The following GALNTL6 variants were observed in gnomAD, a reference collection of about 807,000 sequenced individuals.
GALNTL6 encodes the protein polypeptide N-acetylgalactosaminyltransferase-like 6.
GALNTL6 carries 46 observed loss-of-function variants against 73.7 expected under a neutral mutation model. That is an observed-to-expected ratio of 0.62 (90% CI 0.49 to 0.80). GALNTL6 has a LOEUF of 0.80. Among genes scored for constraint, GALNTL6 ranks in the 30% least tolerant of loss-of-function variants. The pLI, the probability that GALNTL6 is intolerant of heterozygous loss-of-function variation, is 0.00. For synonymous variants in GALNTL6, 259 were observed against 263.7 expected, an observed-to-expected ratio of 0.98 and a Z score of 0.17; for missense variants, 604 against 755.0, an observed-to-expected ratio of 0.80 and a Z score of 2.34.
At chr4:172,482,371 C>T (rs939927197) in intron 5 of GALNTL6, among the ~76,000 whole-genome samples, 5 of 152,228 alleles carry the variant, frequency 3.3e-5, no homozygotes, top group South Asian at 4.1e-4. Flanking sequence ...GAGCGGATGC[C>T]GAGCCCAAGG....
At chr4:172,057,329 A>G (rs1466388669) in intron 2 of GALNTL6, among the ~76,000 whole-genome samples, 1 of 151,894 alleles carries the variant, frequency 6.6e-6, no homozygotes, top group Non-Finnish European at 1.5e-5. Flanking sequence ...TGGAAGGATC[A>G]CTTGAGCCCA....
chr4:172,454,121 A>G (rs930279501), intron 5 of GALNTL6, among the ~76,000 whole-genome samples: 1 of 152,190 alleles, frequency 6.6e-6, no homozygotes, highest in Non-Finnish European at 1.5e-5. Flanking sequence ...TCAAAGCCCA[A>G]TGGAATGAAT....
intron 2 of GALNTL6, among the ~76,000 whole-genome samples, chr4:172,177,792 TATATATACACACAC>T (rs1735076762): frequency 6.7e-5 from 9 of 134,288 alleles, no homozygotes; most frequent in African/African-American, 2.3e-4. Context: ...CACATGTGTA[TATATATACACACAC>T]ATATATGTGT....
At chr4:172,184,395 G>A (rs896020328) in intron 2 of GALNTL6, among the ~76,000 whole-genome samples, 1 of 152,152 alleles carries the variant, frequency 6.6e-6, no homozygotes, top group Non-Finnish European at 1.5e-5. Flanking sequence ...TGTGAGTGTT[G>A]TGAGTAATGA....
At chr4:172,049,983 T>TA (rs1191021788) in intron 2 of GALNTL6, among the ~76,000 whole-genome samples, 1 of 123,448 alleles carries the variant, frequency 8.1e-6, no homozygotes, top group Non-Finnish European at 1.7e-5. Flanking sequence ...AAACTCTGTC[T>TA]AAAAAGAAAA....
At chr4:171,942,024 G>C (rs1738561158) in intron 2 of GALNTL6, among the ~76,000 whole-genome samples, 1 of 152,020 alleles carries the variant, frequency 6.6e-6, no homozygotes, top group South Asian at 2.1e-4. Flanking sequence ...GGAAATAGTT[G>C]AGCCCTTTAG....
At chr4:172,239,406 G>T (rs534018800) in intron 3 of GALNTL6, among the ~76,000 whole-genome samples, 1 of 152,236 alleles carries the variant, frequency 6.6e-6, no homozygotes, top group East Asian at 1.9e-4. Context: ...AGTCTCTGAA[G>T]ATTTTTTGTA....
intron 5 of GALNTL6, among the ~76,000 whole-genome samples, chr4:172,803,518 A>G (rs11947615): frequency 0.077 from 11,707 of 152,170 alleles, 880 homozygotes; most frequent in African/African-American, 0.18. Flanking sequence ...GGGACCACTT[A>G]TCTAAAGAAA....
chr4:172,648,443 G>A (rs971655466), intron 5 of GALNTL6, among the ~76,000 whole-genome samples: 9 of 152,112 alleles, frequency 5.9e-5, no homozygotes, highest in African/African-American at 2.2e-4. Flanking sequence ...TCAGTTTATA[G>A]ATGTTACACA....
chr4:172,039,681 A>G (rs1225563725), intron 2 of GALNTL6, among the ~76,000 whole-genome samples: 1 of 152,172 alleles, frequency 6.6e-6, no homozygotes, highest in Non-Finnish European at 1.5e-5. Context: ...TCAAAAGTGC[A>G]GAAGAAAAGG....
At chr4:172,703,657 C>T (rs2218023) in intron 5 of GALNTL6, among the ~76,000 whole-genome samples, 149,471 of 152,094 alleles carry the variant, frequency 0.98, 73,497 homozygotes, top group Non-Finnish European at 1. Context: ...ACTTTCCTTT[C>T]TTTCTTGTGT....
intron 2 of GALNTL6, among the ~76,000 whole-genome samples, chr4:171,911,328 T>G (rs1478892093): frequency 6.6e-6 from 1 of 152,012 alleles, no homozygotes; most frequent in Non-Finnish European, 1.5e-5. Context: ...ACCAGCTAAT[T>G]TTTGTATTTT....
chr4:171,847,331 C>A (rs753310167), intron 2 of GALNTL6, among the ~76,000 whole-genome samples: 8 of 152,138 alleles, frequency 5.3e-5, no homozygotes, highest in Non-Finnish European at 1.0e-4. Context: ...ACACCTTAAT[C>A]AAAAATGTTT....
chr4:172,487,351 T>TTTCTTCCTTTCC (rs1733727471), intron 5 of GALNTL6, among the ~76,000 whole-genome samples: 3 of 104,490 alleles, frequency 2.9e-5, no homozygotes, highest in African/African-American at 1.1e-4. Context: ...TCTTTCTTTC[T>TTTCTTCCTTTCC]TTCTTTCCTT....
At chr4:173,002,845 G>A (rs751406718) in intron 10 of GALNTL6, among the ~76,000 whole-genome samples, 27 of 150,528 alleles carry the variant, frequency 1.8e-4, no homozygotes, top group African/African-American at 5.4e-4. Flanking sequence ...ATGAAGTTCC[G>A]ATACATGCTA....
intron 10 of GALNTL6, among the ~76,000 whole-genome samples, chr4:172,967,240 T>A (rs370084750): frequency 2.3e-4 from 35 of 152,240 alleles, no homozygotes; most frequent in East Asian, 1.9e-3. Flanking sequence ...TTTTCCTTTT[T>A]ATAGAGCTTG....
chr4:173,012,559 AG>A (rs1378892488), intron 11 of GALNTL6, among the ~76,000 whole-genome samples: 8 of 152,208 alleles, frequency 5.3e-5, no homozygotes, highest in Non-Finnish European at 8.8e-5. Flanking sequence ...CCTGGATTTT[AG>A]TTTAAACCAT....
chr4:172,035,458 A>G (rs1277277965), intron 2 of GALNTL6, among the ~76,000 whole-genome samples: 1 of 130,856 alleles, frequency 7.6e-6, no homozygotes, highest in Admixed American at 7.3e-5. Flanking sequence ...TTTAGAATCT[A>G]TTGATTGTTA....
At chr4:171,996,779 T>G (rs1740506491) in intron 2 of GALNTL6, among the ~76,000 whole-genome samples, 1 of 151,478 alleles carries the variant, frequency 6.6e-6, no homozygotes, top group African/African-American at 2.4e-5. Context: ...CCACTATGTG[T>G]TGGGCTGCAT....
Sources: gnomAD v4.1 joint callset for allele counts (sites outside exome capture counted in the v4.1 genomes callset) on GRCh38, gnomAD v4.1.1 for gene constraint, MANE v1.5 for transcripts, NCBI Gene and HGNC (gene_info 2026-07-23, HGNC 2026-07-21) for gene names.